Variants in ASB15 observed in about 807,000 individuals in gnomAD.
The protein encoded by ASB15 is ankyrin repeat and SOCS box containing 15.
Under a neutral mutation model 58.0 loss-of-function variants are expected in ASB15, and 54 were observed. The ratio of observed to expected loss-of-function variants is 0.93; its 90% CI spans 0.75 to 1.17. ASB15 has a LOEUF of 1.17. Among genes scored for constraint, ASB15 ranks in the 50% most tolerant of loss-of-function variants. The probability of loss-of-function intolerance (pLI) is 0.00; values close to 1 mark genes in which losing one functional copy is unlikely to be tolerated. For synonymous variants in ASB15, 249 were observed against 262.4 expected (o/e 0.95, Z 0.50); for missense variants, 680 against 707.4 (o/e 0.96, Z 0.44).
intron 1 of ASB15, among the ~76,000 whole-genome samples, chr7:123,586,560 TTGC>T (rs1446951313): frequency 1.3e-5 from 2 of 151,792 alleles, no homozygotes; most frequent in African/African-American, 2.4e-5. Flanking sequence ...AAAATTTGAT[TTGC>T]TTGTACTTGT....
intron 2 of ASB15, among the ~76,000 whole-genome samples, chr7:123,605,566 C>A (rs1221530745): frequency 1.3e-5 from 2 of 152,112 alleles, no homozygotes; most frequent in Non-Finnish European, 2.9e-5. Context: ...CAGTATTGTT[C>A]ACAACAGCAA....
intron 1 of ASB15, among the ~76,000 whole-genome samples, chr7:123,585,526 C>T (rs890404746): frequency 4.6e-5 from 7 of 151,760 alleles, no homozygotes; most frequent in South Asian, 2.1e-4. Context: ...ATAAATAAAA[C>T]GTGTATATAC....
chr7:123,591,516 T>C (rs915436413), intron 1 of ASB15, among the ~76,000 whole-genome samples: 2 of 152,220 alleles, frequency 1.3e-5, no homozygotes, highest in African/African-American at 2.4e-5. Flanking sequence ...GAAAGGCTGT[T>C]GAAGTTTGTC....
At chr7:123,620,982 T>C (rs976018208) in intron 7 of ASB15, among the ~76,000 whole-genome samples, 3 of 152,166 alleles carry the variant, frequency 2.0e-5, no homozygotes, top group African/African-American at 7.2e-5. Context: ...TCCAGAATTG[T>C]ATACTGCTTC....
chr7:123,629,215 T>C lies in ASB15; in HGVS notation c.1221T>C (p.Asn407=), dbSNP rs1407411150. 2.5e-6 allele frequency: 4 copies of C among 1,613,866 alleles called. No homozygotes were observed. Among genetic ancestry groups the C allele is most frequent in the South Asian group, 2.2e-5 (2 of 91,094 alleles). The change falls in exon 10 of 12, where the codon AAT becomes AAC. Residue 407 remains asparagine (N), a synonymous_variant. Coordinates refer to ENST00000451215, the MANE Select transcript of ASB15 (RefSeq NM_001290258.2). ...TTCTCTCCCATGGAGCTAATGTCAA[T>C]TGTTATTTTATGCATGTGAATGACA... ...RLLLSHGANV[N]CYFMHVNDTR...
At chr7:123,614,443 T>C (rs1395655027) in intron 3 of ASB15, 58 bp from the exon 4 acceptor site, 6 of 1,030,802 alleles carry the variant, frequency 5.8e-6, no homozygotes, top group Non-Finnish European at 9.0e-6. Flanking sequence ...TTACTCTATG[T>C]ACTGTTTTGG....
At chr7:123,586,218 C>T (rs1226010463) in intron 1 of ASB15, among the ~76,000 whole-genome samples, 1 of 151,784 alleles carries the variant, frequency 6.6e-6, no homozygotes, top group Non-Finnish European at 1.5e-5. Flanking sequence ...CGTTTTATTT[C>T]TCCACTTCAT....
chr7:123,634,113 A>G (rs1802284868), intron 11 of ASB15, among the ~76,000 whole-genome samples: 1 of 152,084 alleles, frequency 6.6e-6, no homozygotes, highest in Non-Finnish European at 1.5e-5. Flanking sequence ...AACATTTATC[A>G]TGGTGGTTTG....
At chr7:123,581,393 A>G (rs966526974) in intron 1 of ASB15, among the ~76,000 whole-genome samples, 3 of 150,258 alleles carry the variant, frequency 2.0e-5, no homozygotes, top group Non-Finnish European at 3.0e-5. Context: ...AAAACAAAAC[A>G]TGATCATTCA....
rs561973633 is a variant in ASB15, at chr7:123,626,268, C to T, written c.698-842C>T. On this transcript the variant is annotated intron_variant, in intron 8 of 11. Coordinates refer to ENST00000451215, the MANE Select transcript of ASB15 (RefSeq NM_001290258.2). ...CCTGTAATCCCAGCATTTTGGAAGG[C>T]CAAGGTGGGTAGATTACTTAAGGCC... 3.5e-4 allele frequency among the ~76,000 whole-genome samples: 54 copies of T among 152,250 alleles called. 2 individuals carry two copies. Among genetic ancestry groups the T allele is most frequent in the Middle Eastern group, 3.4e-3 (1 of 294 alleles).
At chr7:123,603,184 A>G (rs1799970204) in intron 1 of ASB15, among the ~76,000 whole-genome samples, 1 of 152,186 alleles carries the variant, frequency 6.6e-6, no homozygotes, top group Admixed American at 6.5e-5. Context: ...AATCTAAAAT[A>G]CATTATTTAA....
chr7:123,633,096 G>T (rs548243103), intron 11 of ASB15, among the ~76,000 whole-genome samples: 11 of 152,208 alleles, frequency 7.2e-5, no homozygotes, highest in African/African-American at 2.6e-4. Flanking sequence ...ACGTCCAAAG[G>T]ATCCACTAAG....
upstream of ASB15, among the ~76,000 whole-genome samples, chr7:123,599,993 G>A (rs1018843062): frequency 6.6e-5 from 10 of 152,226 alleles, no homozygotes; most frequent in Middle Eastern, 3.4e-3. Context: ...AAATGTGGAA[G>A]CGATTACTAG....
chr7:123,632,385 A>G (rs2116671196), intron 11 of ASB15, among the ~76,000 whole-genome samples: 1 of 152,330 alleles, frequency 6.6e-6, no homozygotes, highest in Admixed American at 6.5e-5. Flanking sequence ...AAAAGAGGAT[A>G]TGGAAGAAAA....
intron 4 of ASB15, among the ~76,000 whole-genome samples, chr7:123,615,031 A>G (rs927425338): frequency 6.6e-6 from 1 of 152,164 alleles, no homozygotes; most frequent in African/African-American, 2.4e-5. Context: ...AACGTATTCC[A>G]TTGTTGTATG....
chr7:123,619,134 C>T (rs1801041457), intron 7 of ASB15, among the ~76,000 whole-genome samples: 1 of 141,434 alleles, frequency 7.1e-6, no homozygotes, highest in Non-Finnish European at 1.5e-5. Flanking sequence ...GAGCCGAGAT[C>T]GCACCACTGT....
chr7:123,614,559 A>C lies in ASB15; in HGVS notation c.57A>C (p.Leu19=). The C allele has an allele frequency of 6.2e-7, 1 of 1,611,924 alleles. No individual in the cohort carries two copies. Among genetic ancestry groups the C allele is most frequent in the Non-Finnish European group, 8.5e-7 (1 of 1,178,214 alleles). ...EDHLTSYDIQ[L]SIQESIEASK... ...ATCTTACAAGTTATGATATTCAGCT[A>C]AGTATTCAAGAATCCATTGAAGCCA... The change falls in exon 4 of 12, where the codon CTA becomes CTC. Residue 19 remains leucine, a synonymous_variant. Transcript: ENST00000451215.
chr7:123,635,214 AAAG>A (rs1802354878), intron 11 of ASB15, among the ~76,000 whole-genome samples: 1 of 152,346 alleles, frequency 6.6e-6, no homozygotes, highest in South Asian at 2.1e-4. Flanking sequence ...AGAAAGAAAT[AAAG>A]AAGAATGGAT....
Position 123,609,825 on chromosome 7 carries a change from T to C in ASB15, c.-3+1171T>C, listed in dbSNP as rs1034505297. Among the ~76,000 whole-genome samples, 3 of 152,164 alleles carry C rather than the reference T, an allele frequency of 2.0e-5. No individual in the cohort carries two copies. The East Asian group carries it at 5.8e-4, about 29-fold the overall frequency. On this transcript the variant is annotated intron_variant, in intron 3 of 11. Transcript: ENST00000451215. The stretch of plus-strand genomic sequence containing the variant: ...AGCTCTGATCATGGTTTGGAGGCAG[T>C]TTAGCAAAACTGATGCAAAAAGGTG...
Sources: allele counts gnomAD v4.1 joint callset (sites outside exome capture counted in the v4.1 genomes callset), GRCh38; gene constraint gnomAD v4.1.1; transcripts MANE v1.5; gene names NCBI Gene and HGNC (gene_info 2026-07-23, HGNC 2026-07-21).